Variants in DPH6 observed in about 807,000 individuals in gnomAD.
DPH6 encodes diphthine--ammonia ligase.
A neutral mutation model predicts 38.2 loss-of-function variants in DPH6; 33 were observed. That is an observed-to-expected ratio of 0.86 (90% CI 0.65 to 1.15). DPH6 has a LOEUF of 1.15. Ranked by LOEUF, DPH6 falls within the 50% of genes most tolerant of loss-of-function variation. DPH6 has a pLI of 0.00. For missense variants in DPH6, 325 were observed against 320.0 expected, an observed-to-expected ratio of 1.02 and a Z score of -0.12; for synonymous variants, 108 against 103.0, an observed-to-expected ratio of 1.05 and a Z score of -0.30.
chr15:35,485,400 A>G (rs1261086108), intron 3 of DPH6, among the ~76,000 whole-genome samples: 1 of 152,220 alleles, frequency 6.6e-6, no homozygotes, highest in Non-Finnish European at 1.5e-5. Context: ...AACTAAATTG[A>G]CTCACTTTCC....
At chr15:35,423,183 A>G (rs533696555) in intron 5 of DPH6, among the ~76,000 whole-genome samples, 2 of 151,906 alleles carry the variant, frequency 1.3e-5, no homozygotes, top group East Asian at 3.9e-4. Flanking sequence ...CACCAACAGT[A>G]TACAAGGGTT....
intron 3 of DPH6, among the ~76,000 whole-genome samples, chr15:35,275,527 A>G (rs1445912766): frequency 1.3e-5 from 2 of 152,064 alleles, no homozygotes; most frequent in Non-Finnish European, 2.9e-5. Flanking sequence ...CAGGGAGGAG[A>G]ATATCACACA....
At chr15:35,172,902 G>C in the DPH6 span, among the ~76,000 whole-genome samples, 1 of 152,114 alleles carries the variant, frequency 6.6e-6, no homozygotes, top group Non-Finnish European at 1.5e-5. Flanking sequence ...TGATCCTCCT[G>C]CCTCAGCCTT....
chr15:35,500,895 C>G (rs2141195276), intron 3 of DPH6, among the ~76,000 whole-genome samples: 1 of 152,208 alleles, frequency 6.6e-6, no homozygotes, highest in South Asian at 2.1e-4. Context: ...CACCTGCCAC[C>G]ACGCCCAGCT....
At chr15:35,353,038 T>C (rs1227082824) in intron 3 of DPH6, among the ~76,000 whole-genome samples, 1 of 152,232 alleles carries the variant, frequency 6.6e-6, no homozygotes, top group Non-Finnish European at 1.5e-5. Context: ...CCAGTGATGA[T>C]GAGAAATTTC....
chr15:35,420,498 C>CA (rs1255474986), intron 5 of DPH6, among the ~76,000 whole-genome samples: 2 of 151,904 alleles, frequency 1.3e-5, no homozygotes, highest in Non-Finnish European at 2.9e-5. Flanking sequence ...ATCAATAAAA[C>CA]AGAGTTTTAT....
At chr15:35,489,866 A>T in intron 3 of DPH6, 1 of 969,054 alleles carries the variant, frequency 1.0e-6, no homozygotes, top group Non-Finnish European at 1.2e-6. Flanking sequence ...CCTGGATTAT[A>T]CATTTTTTAA....
intron 3 of DPH6, among the ~76,000 whole-genome samples, chr15:35,287,424 C>G (rs567810521): frequency 5.9e-5 from 9 of 152,234 alleles, no homozygotes; most frequent in Admixed American, 5.9e-4. Context: ...TTACAGAACT[C>G]AATAAATAAT....
chr15:35,252,622 A>G lies in DPH6; in HGVS notation n.201-32040T>C, dbSNP rs74681292. Among the ~76,000 whole-genome samples, 12 of 152,362 alleles carry G rather than the reference A, an allele frequency of 7.9e-5. No individual in the cohort carries two copies. The East Asian group carries it at 2.3e-3, about 29-fold the overall frequency. ...CGTGACACAGTAAAACCTGTTATCAATTAATGCTTGTGTGCCTCCTTCTTT... is the reference window on the plus strand; with the variant it reads ...CGTGACACAGTAAAACCTGTTATCAGTTAATGCTTGTGTGCCTCCTTCTTT... On this transcript the variant is annotated intron_variant and non_coding_transcript_variant, in intron 3 of 3. Transcript: ENST00000560386.
chr15:35,356,994 C>T (rs1270573089), intron 3 of DPH6, among the ~76,000 whole-genome samples: 2 of 152,288 alleles, frequency 1.3e-5, no homozygotes, highest in Admixed American at 6.5e-5. Flanking sequence ...GGGTGCCTCT[C>T]CCCCAGCCTC....
intron 3 of DPH6, among the ~76,000 whole-genome samples, chr15:35,532,230 G>T (rs527806957): frequency 6.6e-6 from 1 of 152,198 alleles, no homozygotes; most frequent in Non-Finnish European, 1.5e-5. Flanking sequence ...AGAGCCTTCT[G>T]TGTTAGCCTA....
chr15:35,358,208 G>A (rs896577290), intron 3 of DPH6, among the ~76,000 whole-genome samples: 10 of 152,072 alleles, frequency 6.6e-5, no homozygotes, highest in Non-Finnish European at 1.3e-4. Context: ...TTCTAACAGT[G>A]TGTCTAAAGT....
At chr15:35,296,480 CTTT>C (rs1251806791) in intron 3 of DPH6, among the ~76,000 whole-genome samples, 1 of 152,178 alleles carries the variant, frequency 6.6e-6, no homozygotes, top group East Asian at 1.9e-4. Flanking sequence ...TCACGTCCTT[CTTT>C]ATCTGGCTCA....
chr15:35,329,036 A>G (rs545283092), downstream of DPH6, among the ~76,000 whole-genome samples: 4 of 152,318 alleles, frequency 2.6e-5, no homozygotes, highest in East Asian at 1.9e-4. Context: ...CCATGATTCA[A>G]TTATCTCCCA....
chr15:35,496,424 G>A (rs1011007913), intron 3 of DPH6, among the ~76,000 whole-genome samples: 6 of 150,372 alleles, frequency 4.0e-5, no homozygotes, highest in African/African-American at 1.2e-4. Flanking sequence ...GCATGGTGGC[G>A]GGCACCTGCA....
intron 3 of DPH6, among the ~76,000 whole-genome samples, chr15:35,498,775 AG>A (rs2054588423): frequency 6.6e-6 from 1 of 151,972 alleles, no homozygotes; most frequent in South Asian, 2.1e-4. Context: ...CTATTCATAT[AG>A]CTTTTTTTAC....
At chr15:35,282,336 T>C (rs2140437130) in intron 3 of DPH6, among the ~76,000 whole-genome samples, 1 of 152,232 alleles carries the variant, frequency 6.6e-6, no homozygotes, top group South Asian at 2.1e-4. Flanking sequence ...TACAACTGGC[T>C]AATTTTTTTA....
At chr15:35,496,586 A>ATATATATATATATATATATATC (rs1221541298) in intron 3 of DPH6, among the ~76,000 whole-genome samples, 1 of 129,784 alleles carries the variant, frequency 7.7e-6, no homozygotes, top group Non-Finnish European at 1.6e-5. Context: ...ATATATATAT[A>ATATATATATATATATATATATC]TATATCCTCT....
chr15:35,233,034 G>A (rs115948659), intron 3 of DPH6, among the ~76,000 whole-genome samples: 1,711 of 152,270 alleles, frequency 0.011, 35 homozygotes, highest in African/African-American at 0.04. Context: ...GGGACTGGCC[G>A]TGGTGGCTCA....
Sources: gnomAD v4.1 joint callset for allele counts (sites outside exome capture counted in the v4.1 genomes callset) on GRCh38, gnomAD v4.1.1 for gene constraint, MANE v1.5 for transcripts, NCBI Gene and HGNC (gene_info 2026-07-23, HGNC 2026-07-21) for gene names.